Variants in DNAH12 observed in about 807,000 individuals in gnomAD.
DNAH12 encodes axonemal beta dynein heavy chain 12.
Under a neutral mutation model 371.5 loss-of-function variants are expected in DNAH12, and 285 were observed. The observed-to-expected ratio is 0.77, with a 90% CI of 0.70 to 0.85. The LOEUF (loss-of-function observed/expected upper bound fraction) is 0.85, where lower values mean the gene tolerates loss of function less well. DNAH12 is among the 40% of genes least tolerant of loss of function. The probability of loss-of-function intolerance (pLI) is 0.00; values close to 1 mark genes in which losing one functional copy is unlikely to be tolerated. For missense variants in DNAH12, 3,611 were observed against 3,689.4 expected, an observed-to-expected ratio of 0.98 and a Z score of 0.55; for synonymous variants, 1,200 against 1,213.0, an observed-to-expected ratio of 0.99 and a Z score of 0.22.
intron 40 of DNAH12, 121 bp from the exon 41 acceptor site, chr3:57,406,073 G>C: frequency 1.8e-6 from 2 of 1,085,190 alleles, no homozygotes; most frequent in African/African-American, 1.6e-5. Flanking sequence ...GGCTTGGGCT[G>C]GGCGCGGTGG....
At chr3:57,430,057 T>C (rs908257250) in intron 32 of DNAH12, among the ~76,000 whole-genome samples, 7 of 152,124 alleles carry the variant, frequency 4.6e-5, no homozygotes, top group African/African-American at 1.4e-4. Flanking sequence ...CCAAAACCTA[T>C]AAAATCCTAT....
rs540530039 is a variant in DNAH12 at position 57,408,162 on chromosome 3, C to T, written c.6276+118G>A. Reference sequence around the variant, plus strand: ...TCCTGTGATCTTCCTATTCTCTGGTCTTCTAAACAGTTTCTCTGACACCAA... The same window carrying T: ...TCCTGTGATCTTCCTATTCTCTGGTTTTCTAAACAGTTTCTCTGACACCAA... On this transcript the variant is annotated intron_variant, in intron 40 of 73. Transcript: ENST00000495027. 24 of 1,186,140 alleles carry T rather than the reference C, an allele frequency of 2.0e-5. 1 individual carries two copies. Among genetic ancestry groups the T allele is most frequent in the Middle Eastern group, 4.9e-4 (2 of 4,054 alleles). The allele number at this position is 1,186,140 out of a possible 1,614,324, so 73.5% of individuals were successfully genotyped here. A position where few individuals can be genotyped will look rare whatever the true frequency, so the allele number is the denominator to read the frequency against.
Position 57,344,644 on chromosome 3 carries a change from G to A in DNAH12, c.9674+7441C>T, listed in dbSNP as rs187084257. On this transcript the variant is annotated intron_variant, in intron 60 of 73. Transcript: ENST00000495027. ...ATGAAAACTTCTCATTTGTGGCAAC[G>A]GGAATGAAACTGAATGACATTATGT... Among the ~76,000 whole-genome samples, 49 of 152,204 alleles carry A rather than the reference G, an allele frequency of 3.2e-4. No individual in the cohort carries two copies. The East Asian group carries it at 7.9e-3, about 25-fold the overall frequency.
intron 39 of DNAH12, among the ~76,000 whole-genome samples, chr3:57,411,577 C>G (rs1001917037): frequency 2.8e-4 from 41 of 145,040 alleles, no homozygotes; most frequent in African/African-American, 1.1e-3. Context: ...AAGTACAACA[C>G]CATTTACATT....
chr3:57,389,836 AT>A (rs2063576173), intron 45 of DNAH12, among the ~76,000 whole-genome samples: 2 of 112,440 alleles, frequency 1.8e-5, no homozygotes, highest in African/African-American at 5.7e-5. Context: ...ATATATATAT[AT>A]ATAATACTTT....
chr3:57,352,248 C>T (rs1329835772), intron 59 of DNAH12, 23 bp from the exon 60 acceptor site: 34 of 1,519,986 alleles, frequency 2.2e-5, no homozygotes, highest in Non-Finnish European at 2.8e-5. Flanking sequence ...AGAAGGAAAA[C>T]GTATTGTCAA....
chr3:57,301,677 TACACACACACAC>T (rs57748737), intron 70 of DNAH12, 46 bp downstream of exon 70: 114,374 of 1,143,940 alleles, frequency 0.1, 3,788 homozygotes, highest in East Asian at 0.26. Flanking sequence ...ACATGTATTT[TACACACACACAC>T]ACACACACAC....
At chr3:57,509,014 C>CT (rs199860905) in intron 6 of DNAH12, 126 bp downstream of exon 6, 299 of 798,014 alleles carry the variant, frequency 3.7e-4, no homozygotes, top group African/African-American at 5.5e-4. Context: ...AACAAGAGTA[C>CT]TTTTTTTTTA....
chr3:57,404,559 T>C (rs1391764961), intron 42 of DNAH12, among the ~76,000 whole-genome samples: 3 of 151,246 alleles, frequency 2.0e-5, no homozygotes, highest in African/African-American at 7.3e-5. Context: ...CTACTAAAAA[T>C]ACAAAAAAAA....
rs746494610 is a variant in DNAH12, at chr3:57,309,136, G to T, written c.11189+15C>A. 2 of 1,495,142 alleles carry T rather than the reference G, an allele frequency of 1.3e-6. No homozygotes were observed. Among genetic ancestry groups the T allele is most frequent in the South Asian group, 2.6e-5 (2 of 77,520 alleles). The allele number at this position is 1,495,142 out of a possible 1,614,324, so 92.6% of individuals were successfully genotyped here. ...GACAGTTGCCTTCTGAATCACTGGGGATATAGATCCTTACTTGTTAAATCT... is the reference window on the plus strand; with the variant it reads ...GACAGTTGCCTTCTGAATCACTGGGTATATAGATCCTTACTTGTTAAATCT... On this transcript the variant is annotated intron_variant, in intron 69 of 73. Transcript: ENST00000495027.
In DNAH12 at chr3:57,309,165, C is replaced by T. The variant is rs2061535264; in HGVS notation, c.11175G>A (p.Met3725Ile). 1 of 1,542,796 alleles carries T rather than the reference C, an allele frequency of 6.5e-7. No homozygotes were observed. The highest frequency in any genetic ancestry group is 8.7e-7 in the Non-Finnish European group (1 of 1,143,992). The change falls in exon 69 of 74, where the codon ATG (methionine) becomes ATA (isoleucine). Residue 3725 changes from methionine (M) to isoleucine (I), a missense_variant. By Grantham distance (10) the Met-to-Ile change is conservative. Transcript: ENST00000495027. ...TAGATCCTTACTTGTTAAATCTTTC[C>T]ATTTCTTGTACTAACACAGTATTCA... ...ESMNTVLVQE[M>I]ERFNNLIITI...
intron 45 of DNAH12, among the ~76,000 whole-genome samples, chr3:57,390,145 T>C (rs2063584384): frequency 6.7e-6 from 1 of 148,272 alleles, no homozygotes; most frequent in African/African-American, 2.4e-5. Flanking sequence ...AGAGCACCAA[T>C]ATTGACTTAG....
At chr3:57,348,393 T>C (rs113397022) in intron 60 of DNAH12, among the ~76,000 whole-genome samples, 54 of 152,288 alleles carry the variant, frequency 3.5e-4, no homozygotes, top group African/African-American at 1.2e-3. Context: ...AGAGGATTTT[T>C]AGAGCAGTGA....
intron 2 of DNAH12, among the ~76,000 whole-genome samples, chr3:57,537,873 C>T (rs1304012357): frequency 4.6e-5 from 7 of 151,946 alleles, no homozygotes; most frequent in African/African-American, 1.5e-4. Flanking sequence ...TTAGCAGAGA[C>T]GGTGTTTCAC....
chr3:57,508,825 T>C (rs898387549), intron 6 of DNAH12, among the ~76,000 whole-genome samples: 1 of 152,130 alleles, frequency 6.6e-6, no homozygotes, highest in African/African-American at 2.4e-5. Context: ...TTTGGCTCAG[T>C]TATCCTGGTA....
At position 57,437,012 on chromosome 3, in the gene DNAH12, G is replaced by A. The variant is rs764948233; in HGVS notation, c.4594C>T (p.Pro1532Ser). The A allele has an allele frequency of 2.6e-5, 39 of 1,509,404 alleles. No homozygotes were observed. Among genetic ancestry groups the A allele is most frequent in the African/African-American group, 2.9e-5 (2 of 70,034 alleles). The allele number at this position is 1,509,404 out of a possible 1,614,324, so 93.5% of individuals were successfully genotyped here. The change falls in exon 30 of 74, where the codon CCT becomes TCT. Residue 1532 changes from proline to serine, a missense_variant. By Grantham distance (74) the Pro-to-Ser change is moderately conservative. Transcript: ENST00000495027. The stretch of plus-strand genomic sequence containing the variant: ...ATTTTTTCAAGAAAAAATTTAACAG[G>A]CTGAAGATTATGTACATTGCAGGCT... ...HEACNVHNLQ[P>S]VKFFLEKIIQ...
At chr3:57,510,301 T>C (rs2067939061) in intron 5 of DNAH12, among the ~76,000 whole-genome samples, 1 of 152,088 alleles carries the variant, frequency 6.6e-6, no homozygotes, top group Admixed American at 6.6e-5. Flanking sequence ...GACTTAAGTA[T>C]AGACTCAAAA....
chr3:57,326,315 T>C (rs1164801375), intron 62 of DNAH12, among the ~76,000 whole-genome samples: 1 of 152,018 alleles, frequency 6.6e-6, no homozygotes, highest in Non-Finnish European at 1.5e-5. Flanking sequence ...GAGAGAAAGG[T>C]CGGGTTACCC....
intron 20 of DNAH12, among the ~76,000 whole-genome samples, chr3:57,459,376 C>G (rs1004366400): frequency 6.6e-6 from 1 of 152,244 alleles, no homozygotes; most frequent in South Asian, 2.1e-4. Flanking sequence ...TGAAGCAGCT[C>G]CACCAGGTAT....
Sources: gnomAD v4.1 joint callset for allele counts (sites outside exome capture counted in the v4.1 genomes callset) on GRCh38, gnomAD v4.1.1 for gene constraint, MANE v1.5 for transcripts, NCBI Gene and HGNC (gene_info 2026-07-23, HGNC 2026-07-21) for gene names.